Variants in ADAMTS12 observed in about 807,000 individuals in gnomAD.
ADAMTS12 encodes the protein A disintegrin and metalloproteinase with thrombospondin motifs 12.
A neutral mutation model predicts 167.8 loss-of-function variants in ADAMTS12; 118 were observed. The ratio of observed to expected loss-of-function variants is 0.70; its 90% confidence interval spans 0.61 to 0.82. The LOEUF (loss-of-function observed/expected upper bound fraction) is 0.82. Among genes scored for constraint, ADAMTS12 ranks in the 40% least tolerant of loss-of-function variants. The pLI, the probability that ADAMTS12 is intolerant of heterozygous loss-of-function variation, is 0.00. For synonymous variants in ADAMTS12, 704 were observed against 716.9 expected, an observed-to-expected ratio of 0.98 and a Z score of 0.29; for missense variants, 1,916 against 1,998.8, an observed-to-expected ratio of 0.96 and a Z score of 0.79.
chr5:33,541,059 C>T (rs1411437365), intron 22 of ADAMTS12, among the ~76,000 whole-genome samples: 2 of 152,130 alleles, frequency 1.3e-5, no homozygotes, highest in Non-Finnish European at 2.9e-5. Flanking sequence ...ATGTTCTAAC[C>T]CATCAGAAGG....
intron 2 of ADAMTS12, among the ~76,000 whole-genome samples, chr5:33,838,798 G>T (rs1748630142): frequency 6.6e-6 from 1 of 152,086 alleles, no homozygotes; most frequent in African/African-American, 2.4e-5. Context: ...AGGGACTGAA[G>T]TGAGTAGGAA....
chr5:33,682,974 A>C (rs1170905469), intron 5 of ADAMTS12, 44 bp downstream of exon 5: 1 of 1,528,502 alleles, frequency 6.5e-7, no homozygotes, highest in South Asian at 1.2e-5. Context: ...GAAGGTAGGA[A>C]GTGCGAGGAC....
intron 3 of ADAMTS12, among the ~76,000 whole-genome samples, chr5:33,705,374 T>C (rs907469367): frequency 1.4e-4 from 21 of 152,074 alleles, no homozygotes; most frequent in Admixed American, 1.1e-3. Flanking sequence ...AATTTTTAAA[T>C]GGATTGTTTT....
intron 20 of ADAMTS12, among the ~76,000 whole-genome samples, chr5:33,551,134 T>A (rs564675558): frequency 3.2e-4 from 49 of 152,154 alleles, no homozygotes; most frequent in Non-Finnish European, 6.5e-4. Context: ...GGAATAGCCA[T>A]GATTCTAGGG....
rs200036990 is a variant in ADAMTS12, at chr5:33,817,711, T to TA, written c.489+63407dup. Among the ~76,000 whole-genome samples, 1,420 of 151,502 alleles carry TA rather than the reference T, an allele frequency of 9.4e-3. 23 individuals carry two copies. Among genetic ancestry groups the TA allele is most frequent in the African/African-American group, 0.032 (1,339 of 41,350 alleles). ...ATCTCCAAAAACACAGATTCTCTTT[T>TA]AAAAAAAAATACAACTACAATGCTC... On this transcript the variant is annotated intron_variant, in intron 2 of 23. Coordinates refer to ENST00000504830, the MANE Select transcript of ADAMTS12 (RefSeq NM_030955.4).
At chr5:33,711,230 TCCAG>T (rs1315409344) in intron 3 of ADAMTS12, among the ~76,000 whole-genome samples, 2 of 152,012 alleles carry the variant, frequency 1.3e-5, no homozygotes, top group African/African-American at 4.8e-5. Flanking sequence ...CCTCTCCTCT[TCCAG>T]CCACATCCCC....
At chr5:33,670,194 G>A (rs1741621877) in intron 5 of ADAMTS12, among the ~76,000 whole-genome samples, 1 of 151,642 alleles carries the variant, frequency 6.6e-6, no homozygotes, top group Admixed American at 6.6e-5. Context: ...ATCATAAAGA[G>A]ACACGTCACC....
At chr5:33,754,812 C>A (rs538084740) in intron 2 of ADAMTS12, among the ~76,000 whole-genome samples, 1 of 152,006 alleles carries the variant, frequency 6.6e-6, no homozygotes, top group Admixed American at 6.6e-5. Flanking sequence ...GCCGAGATTG[C>A]GCCATTGCAC....
At chr5:33,851,560 C>G (rs1486984037) in intron 2 of ADAMTS12, among the ~76,000 whole-genome samples, 1 of 152,064 alleles carries the variant, frequency 6.6e-6, no homozygotes, top group African/African-American at 2.4e-5. Flanking sequence ...AAGCACTCAC[C>G]GATACATCTC....
At chr5:33,626,856 T>C (rs2112132137) in intron 13 of ADAMTS12, among the ~76,000 whole-genome samples, 1 of 149,110 alleles carries the variant, frequency 6.7e-6, no homozygotes, top group East Asian at 2.0e-4. Flanking sequence ...ATGGTGGTGG[T>C]GATTTGATGG....
intron 3 of ADAMTS12, among the ~76,000 whole-genome samples, chr5:33,692,600 C>T (rs9292507): frequency 0.22 from 34,131 of 151,974 alleles, 4,010 homozygotes; most frequent in East Asian, 0.42. Context: ...TTATCCTAAG[C>T]AAGTGACATG....
chr5:33,783,358 A>G (rs1221831287), intron 2 of ADAMTS12, among the ~76,000 whole-genome samples: 1 of 151,830 alleles, frequency 6.6e-6, no homozygotes, highest in African/African-American at 2.4e-5. Flanking sequence ...AATAAAATCT[A>G]AAGTAAGGAA....
chr5:33,572,956 C>G (rs1302954504), intron 19 of ADAMTS12, among the ~76,000 whole-genome samples: 1 of 147,904 alleles, frequency 6.8e-6, no homozygotes, highest in African/African-American at 2.5e-5. Flanking sequence ...ACACCAATAA[C>G]AGACAAACAG....
chr5:33,870,759 A>T (rs181701052), intron 2 of ADAMTS12, among the ~76,000 whole-genome samples: 1 of 152,208 alleles, frequency 6.6e-6, no homozygotes, highest in African/African-American at 2.4e-5. Flanking sequence ...TGTTCTTGTG[A>T]TAGTGAGTGA....
intron 2 of ADAMTS12, among the ~76,000 whole-genome samples, chr5:33,763,939 T>C (rs1326988864): frequency 6.6e-6 from 1 of 152,100 alleles, no homozygotes; most frequent in Non-Finnish European, 1.5e-5. Flanking sequence ...AGACTTTTCA[T>C]AGGGAAACAG....
intron 12 of ADAMTS12, among the ~76,000 whole-genome samples, chr5:33,635,061 T>C (rs1206896258): frequency 6.6e-6 from 1 of 152,114 alleles, no homozygotes; most frequent in Non-Finnish European, 1.5e-5. Flanking sequence ...AGTGCAGTAA[T>C]GAGTTTTCTA....
intron 1 of ADAMTS12, among the ~76,000 whole-genome samples, chr5:33,885,381 T>C (rs1324679317): frequency 6.6e-6 from 1 of 152,202 alleles, no homozygotes; most frequent in Admixed American, 6.5e-5. Context: ...CTTTTAAAAT[T>C]TGTAGTTCCT....
At chr5:33,870,367 T>G (rs1436763427) in intron 2 of ADAMTS12, among the ~76,000 whole-genome samples, 1 of 152,176 alleles carries the variant, frequency 6.6e-6, no homozygotes, top group East Asian at 1.9e-4. Flanking sequence ...GTTCAGAGAT[T>G]GCAGTAAAAA....
At chr5:33,712,649 C>A (rs1171958777) in intron 3 of ADAMTS12, among the ~76,000 whole-genome samples, 1 of 152,068 alleles carries the variant, frequency 6.6e-6, no homozygotes, top group African/African-American at 2.4e-5. Context: ...AGGCTAAGTG[C>A]AAAATCACTG....
Sources: allele counts gnomAD v4.1 joint callset (sites outside exome capture counted in the v4.1 genomes callset), GRCh38; gene constraint gnomAD v4.1.1; transcripts MANE v1.5; gene names NCBI Gene and HGNC (gene_info 2026-07-23, HGNC 2026-07-21).